The following PCDHA13 variants were observed in gnomAD, a reference collection of about 807,000 sequenced individuals.
PCDHA13 encodes the protein protocadherin alpha-13.
In PCDHA13, 54 loss-of-function variants were observed where a neutral mutation model predicts 64.8. That is an observed-to-expected ratio of 0.83 (90% CI 0.67 to 1.04). PCDHA13 has a LOEUF of 1.04. Ranked by LOEUF, PCDHA13 falls within the 50% of genes least tolerant of loss-of-function variation. The probability of loss-of-function intolerance (pLI) is 0.00; values close to 1 mark genes in which losing one functional copy is unlikely to be tolerated. For synonymous variants in PCDHA13, 587 were observed against 564.4 expected (o/e 1.04, Z -0.57); for missense variants, 1,248 against 1,254.3 (o/e 0.99, Z 0.08).
chr5:140,967,922 G>T (rs782146005), intron 1 of PCDHA13: 1 of 1,614,198 alleles, frequency 6.2e-7, no homozygotes, highest in South Asian at 1.1e-5. Flanking sequence ...CATTGTGGCC[G>T]TTCTCAGTGT....
Position 140,882,210 on chromosome 5 carries a change from C to G in PCDHA13, c.-59C>G. On this transcript the variant is annotated 5_prime_UTR_variant, in exon 1 of 4. Transcript: ENST00000289272. ...GCCATAAAAATTGGGCCTTGAGAGA[C>G]AGTTTGAGGTAAGGCGTTGTATATA... 3 of 1,533,604 alleles carry G rather than the reference C, an allele frequency of 2.0e-6. No homozygotes were observed. The highest frequency in any genetic ancestry group is 2.1e-5 in the Admixed American group (1 of 48,198). 95.0% of individuals were successfully genotyped at this position (1,533,604 alleles called of 1,614,324 possible).
intron 3 of PCDHA13, 94 bp from the exon 4 acceptor site, chr5:141,009,533 G>C: frequency 1.3e-6 from 2 of 1,509,446 alleles, no homozygotes; most frequent in Non-Finnish European, 1.8e-6. Context: ...GGGAGGTTCA[G>C]CCTGCCTATG....
rs1474245483 is a variant in PCDHA13, at chr5:140,946,429, A to C, written c.2395-32520A>C. Reference sequence around the variant, plus strand: ...ATAGAAAACAATATGGAGGTTACTCAAAAATTGAGACTAAAACAACTATCC... The same window carrying C: ...ATAGAAAACAATATGGAGGTTACTCCAAAATTGAGACTAAAACAACTATCC... On this transcript the variant is annotated intron_variant, in intron 1 of 3. Coordinates refer to ENST00000289272, the MANE Select transcript of PCDHA13 (RefSeq NM_018904.3). 2.0e-5 allele frequency among the ~76,000 whole-genome samples: 3 copies of C among 151,826 alleles called. No homozygotes were observed. In the East Asian group the frequency reaches 5.8e-4, roughly 29 times the overall value.
intron 1 of PCDHA13, chr5:140,969,211 A>T: frequency 6.2e-7 from 1 of 1,614,206 alleles, no homozygotes; most frequent in Non-Finnish European, 8.5e-7. Context: ...GGGCCCAGAC[A>T]GGACCAGGGC....
At chr5:140,973,972 G>A (rs1467007704) in intron 1 of PCDHA13, among the ~76,000 whole-genome samples, 1 of 152,186 alleles carries the variant, frequency 6.6e-6, no homozygotes, top group Non-Finnish European at 1.5e-5. Flanking sequence ...TTTAAATGTG[G>A]CTTTTACAGA....
chr5:140,990,760 G>A (rs2097413418), intron 3 of PCDHA13, among the ~76,000 whole-genome samples: 1 of 152,182 alleles, frequency 6.6e-6, no homozygotes, highest in Non-Finnish European at 1.5e-5. Context: ...CTTTGAGCCT[G>A]TAAATTTGGC....
At chr5:140,924,596 T>C (rs1309205821) in intron 1 of PCDHA13, among the ~76,000 whole-genome samples, 1 of 152,116 alleles carries the variant, frequency 6.6e-6, no homozygotes, top group Non-Finnish European at 1.5e-5. Context: ...TATAGAAATA[T>C]GCAGGCTGAT....
At chr5:140,966,395 T>A in intron 1 of PCDHA13, 1 of 404,602 alleles carries the variant, frequency 2.5e-6, no homozygotes, top group Non-Finnish European at 4.3e-6. Flanking sequence ...GTCCGCCACT[T>A]CGGCGCGGAA....
At chr5:140,984,307 G>T (rs2153833813) in intron 3 of PCDHA13, among the ~76,000 whole-genome samples, 1 of 152,288 alleles carries the variant, frequency 6.6e-6, no homozygotes, top group Non-Finnish European at 1.5e-5. Context: ...GCTGGTTGGT[G>T]TGTATTCCTA....
At chr5:141,006,528 T>A (rs1161709459) in intron 3 of PCDHA13, among the ~76,000 whole-genome samples, 1 of 152,092 alleles carries the variant, frequency 6.6e-6, no homozygotes, top group African/African-American at 2.4e-5. Context: ...ACATCAGTTT[T>A]TAAAGAGAGA....
chr5:140,924,901 A>AAAATAAAAT (rs1554202314), intron 1 of PCDHA13, among the ~76,000 whole-genome samples: 2 of 80,456 alleles, frequency 2.5e-5, no homozygotes, highest in African/African-American at 8.6e-5. Context: ...TCTCAAAAAA[A>AAAATAAAAT]AAAATAAAAT....
intron 1 of PCDHA13, among the ~76,000 whole-genome samples, chr5:140,976,893 A>G (rs1240555240): frequency 2.0e-5 from 3 of 152,212 alleles, no homozygotes; most frequent in African/African-American, 7.2e-5. Context: ...GATACATGCA[A>G]CAGTATGTAA....
At chr5:140,900,494 C>G (rs2068089293) in intron 1 of PCDHA13, among the ~76,000 whole-genome samples, 1 of 152,202 alleles carries the variant, frequency 6.6e-6, no homozygotes, top group Admixed American at 6.5e-5. Context: ...TCAGACTGGT[C>G]TCAAATTCCC....
rs1161459762 is a variant in PCDHA13, at chr5:140,884,196, C to A, written c.1928C>A (p.Pro643Gln). 1.9e-6 allele frequency: 3 copies of A among 1,613,298 alleles called. No homozygotes were observed. The African/African-American group carries it at 4.0e-5, about 22-fold the overall frequency. Residue 643 changes from proline to glutamine, a missense_variant, in exon 1 of 4, where the codon CCG (proline) becomes CAG (glutamine). Coordinates refer to ENST00000289272, the MANE Select transcript of PCDHA13 (RefSeq NM_018904.3). ...CGCCCTCTGGACGAGGTGGACGCGCCGCACCACCGCCTTCTGGTGCTGGTG... is the reference window on the plus strand; with the variant it reads ...CGCCCTCTGGACGAGGTGGACGCGCAGCACCACCGCCTTCTGGTGCTGGTG... ...TTRPLDEVDA[P>Q]HHRLLVLVKD...
intron 3 of PCDHA13, among the ~76,000 whole-genome samples, chr5:140,993,020 C>G (rs2097537480): frequency 6.6e-6 from 1 of 152,192 alleles, no homozygotes; most frequent in African/African-American, 2.4e-5. Flanking sequence ...TCCAGCATCC[C>G]CTGTGGGCTC....
At chr5:140,967,239 G>C in intron 1 of PCDHA13, 1 of 1,613,672 alleles carries the variant, frequency 6.2e-7, no homozygotes, top group Non-Finnish European at 8.5e-7. Flanking sequence ...CTTCAGGTAA[G>C]CGAATCGGTG....
chr5:140,954,724 C>T (rs2095079319), intron 1 of PCDHA13, among the ~76,000 whole-genome samples: 1 of 152,196 alleles, frequency 6.6e-6, no homozygotes, highest in Admixed American at 6.5e-5. Context: ...TGTAGGTTGT[C>T]TTTTCACTCT....
intron 1 of PCDHA13, among the ~76,000 whole-genome samples, chr5:140,911,440 A>C (rs151200639): frequency 6.6e-5 from 10 of 152,168 alleles, no homozygotes; most frequent in African/African-American, 1.7e-4. Context: ...ATTTCCCGCA[A>C]TTTCAGCTCT....
intron 1 of PCDHA13, among the ~76,000 whole-genome samples, chr5:140,901,760 G>C (rs909858668): frequency 6.6e-6 from 1 of 152,102 alleles, no homozygotes; most frequent in Admixed American, 6.5e-5. Context: ...TTTTGACAGG[G>C]ATTGCATTGA....
Sources: allele counts gnomAD v4.1 joint callset (sites outside exome capture counted in the v4.1 genomes callset), GRCh38; gene constraint gnomAD v4.1.1; transcripts MANE v1.5; gene names NCBI Gene and HGNC (gene_info 2026-07-23, HGNC 2026-07-21).